Variants in FGF13 observed in about 807,000 individuals in gnomAD.
FGF13 encodes the protein fibroblast growth factor homologous factor 2.
In FGF13, 2 loss-of-function variants were observed where a neutral mutation model predicts 19.5. That is an observed-to-expected ratio of 0.10 (90% CI 0.04 to 0.32). The LOEUF (loss-of-function observed/expected upper bound fraction) is 0.32, where lower values mean the gene tolerates loss of function less well. Among genes scored for constraint, FGF13 ranks in the 10% least tolerant of loss-of-function variants. FGF13 has a pLI of 1.00. For missense variants in FGF13, 113 were observed against 192.7 expected (o/e 0.59, Z 2.45); for synonymous variants, 72 against 76.9 (o/e 0.94, Z 0.33).
intron 3 of FGF13, among the ~76,000 whole-genome samples, chrX:138,817,506 T>G (rs2090969287): frequency 8.9e-6 from 1 of 112,317 alleles, no homozygotes; most frequent in African/African-American, 3.2e-5. Context: ...CTAAACTTTA[T>G]ATAATTTTGC....
chrX:138,894,373 G>A (rs1473962940), intron 1 of FGF13, among the ~76,000 whole-genome samples: 2 of 109,939 alleles, frequency 1.8e-5, no homozygotes, highest in Non-Finnish European at 3.8e-5. Context: ...TCAAGGAGCT[G>A]GTTTTTTGAA....
chrX:138,878,109 T>G (rs1195798812), intron 1 of FGF13, among the ~76,000 whole-genome samples: 3 of 111,160 alleles, frequency 2.7e-5, no homozygotes, highest in East Asian at 5.6e-4. Flanking sequence ...TTTAAAAAAG[T>G]ATACACCCTA....
intron 1 of FGF13, among the ~76,000 whole-genome samples, chrX:139,028,654 A>T (rs868507355): frequency 0.051 from 3,175 of 62,280 alleles, 85 homozygotes; most frequent in Non-Finnish European, 0.08. Context: ...TGTGTGTGAG[A>T]GAGAGAGAGA....
intron 1 of FGF13, among the ~76,000 whole-genome samples, chrX:139,044,657 A>T (rs1364497385): frequency 2.7e-5 from 3 of 110,686 alleles, no homozygotes; most frequent in African/African-American, 6.6e-5. Context: ...TTCCAGCATT[A>T]AAAAAAAGGG....
intron 1 of FGF13, among the ~76,000 whole-genome samples, chrX:138,868,947 T>TA (rs1279022188): frequency 9.9e-5 from 11 of 111,021 alleles, no homozygotes; most frequent in African/African-American, 3.6e-4. Flanking sequence ...TCCTTGGTTC[T>TA]AGTGCTAGCG....
At chrX:138,808,785 T>A (rs2090894689) in intron 3 of FGF13, among the ~76,000 whole-genome samples, 3 of 111,560 alleles carry the variant, frequency 2.7e-5, no homozygotes, top group Non-Finnish European at 5.6e-5. Flanking sequence ...GCCACAGAAA[T>A]ACAAACTACC....
intron 1 of FGF13, among the ~76,000 whole-genome samples, chrX:138,961,119 G>T (rs761553301): frequency 9.0e-6 from 1 of 111,160 alleles, no homozygotes; most frequent in South Asian, 4.0e-4. Flanking sequence ...CAGCTTTTCT[G>T]CTCTGGTTTC....
At chrX:138,879,104 T>C (rs2124177722) in intron 1 of FGF13, among the ~76,000 whole-genome samples, 1 of 111,919 alleles carries the variant, frequency 8.9e-6, no homozygotes, top group African/African-American at 3.2e-5. Flanking sequence ...TTTTATTTGC[T>C]TTGCCCTAAT....
intron 1 of FGF13, among the ~76,000 whole-genome samples, chrX:138,981,785 C>CT (rs2091964783): frequency 9.0e-6 from 1 of 111,317 alleles, no homozygotes; most frequent in South Asian, 3.8e-4. Flanking sequence ...ACTCAGTCCC[C>CT]TTACCCTTTT....
chrX:138,980,784 G>C (rs750779542), intron 1 of FGF13, among the ~76,000 whole-genome samples: 21 of 108,121 alleles, frequency 1.9e-4, no homozygotes, highest in Non-Finnish European at 3.8e-5. Flanking sequence ...AATAGGGTTT[G>C]CTTGTAGATG....
At chrX:139,093,836 T>A (rs2083453920) in intron 1 of FGF13, among the ~76,000 whole-genome samples, 1 of 112,178 alleles carries the variant, frequency 8.9e-6, no homozygotes, top group South Asian at 3.7e-4. Flanking sequence ...CGAACAAGTG[T>A]AATGCTACTA....
intron 3 of FGF13, among the ~76,000 whole-genome samples, chrX:138,826,113 C>T (rs999565464): frequency 1.8e-5 from 2 of 111,866 alleles, no homozygotes; most frequent in African/African-American, 6.5e-5. Context: ...TCACCATCAG[C>T]TCAGCTTTCT....
At chrX:138,744,697 T>C (rs1443757876) in intron 3 of FGF13, among the ~76,000 whole-genome samples, 1 of 111,398 alleles carries the variant, frequency 9.0e-6, no homozygotes, top group East Asian at 2.8e-4. Context: ...ACCTTTGTCA[T>C]GTGCAGGAGT....
intron 3 of FGF13, among the ~76,000 whole-genome samples, chrX:138,849,243 C>T (rs1384781470): frequency 9.0e-6 from 1 of 111,543 alleles, no homozygotes; most frequent in African/African-American, 3.3e-5. Flanking sequence ...TAGACAGCTT[C>T]CTAATCTGCA....
chrX:138,954,502 G>A (rs1355443097), intron 1 of FGF13, among the ~76,000 whole-genome samples: 3 of 111,384 alleles, frequency 2.7e-5, no homozygotes, highest in African/African-American at 9.8e-5. Context: ...TAAAATTAGG[G>A]AAAATATTAA....
chrX:138,688,996 C>CT (rs1274493992), intron 3 of FGF13, among the ~76,000 whole-genome samples: 2 of 111,244 alleles, frequency 1.8e-5, no homozygotes, highest in African/African-American at 6.5e-5. Context: ...GAATTTACTC[C>CT]TTTTTATACT....
intron 1 of FGF13, among the ~76,000 whole-genome samples, chrX:139,090,681 T>G (rs140556632): frequency 0.023 from 2,511 of 111,070 alleles, 74 homozygotes; most frequent in African/African-American, 0.077. Context: ...GGCTCACGCC[T>G]GTAATCCCAA....
At chrX:138,813,556 T>G (rs1027408746) in intron 3 of FGF13, among the ~76,000 whole-genome samples, 6 of 112,338 alleles carry the variant, frequency 5.3e-5, no homozygotes, top group Non-Finnish European at 9.4e-5. Flanking sequence ...GATACCCATT[T>G]AATGAAGCTT....
At chrX:138,857,782 C>T in intron 2 of FGF13, 1 of 710,902 alleles carries the variant, frequency 1.4e-6, no homozygotes, top group Non-Finnish European at 1.9e-6. Context: ...GAAACAACAG[C>T]CCTAAGAAAA....
Sources: allele counts gnomAD v4.1 joint callset (sites outside exome capture counted in the v4.1 genomes callset), GRCh38; gene constraint gnomAD v4.1.1; transcripts MANE v1.5; gene names NCBI Gene and HGNC (gene_info 2026-07-23, HGNC 2026-07-21).